The following PRDM16 variants were observed in gnomAD, a reference collection of about 807,000 sequenced individuals.
PRDM16 encodes histone-lysine N-methyltransferase PRDM16.
PRDM16 carries 23 observed loss-of-function variants against 110.6 expected under a neutral mutation model. The observed-to-expected ratio is 0.21, with a 90% CI of 0.15 to 0.29. The LOEUF is 0.29. Among genes scored for constraint, PRDM16 ranks in the 10% least tolerant of loss-of-function variants. PRDM16 has a pLI of 1.00. For missense variants in PRDM16, 1,615 were observed against 1,794.3 expected (o/e 0.90, Z 1.81); for synonymous variants, 799 against 781.8 (o/e 1.02, Z -0.37).
At chr1:3,263,818 G>A (rs1195637432) in intron 3 of PRDM16, among the ~76,000 whole-genome samples, 1 of 152,222 alleles carries the variant, frequency 6.6e-6, no homozygotes, top group Admixed American at 6.5e-5. Context: ...TTAGAAAAGC[G>A]ACCCCTGGGC....
At chr1:3,417,582 C>T (rs1159193996) in intron 10 of PRDM16, among the ~76,000 whole-genome samples, 2 of 152,202 alleles carry the variant, frequency 1.3e-5, no homozygotes, top group African/African-American at 2.4e-5. Context: ...TCAGTTTCAG[C>T]TCCTGCAGGA....
At chr1:3,333,804 A>T (rs967301036) in intron 3 of PRDM16, among the ~76,000 whole-genome samples, 2 of 152,074 alleles carry the variant, frequency 1.3e-5, no homozygotes, top group Non-Finnish European at 2.9e-5. Flanking sequence ...CGGTTAGCTC[A>T]TGCGAGATCT....
At chr1:3,276,534 C>T (rs1023706031) in intron 3 of PRDM16, among the ~76,000 whole-genome samples, 1 of 152,248 alleles carries the variant, frequency 6.6e-6, no homozygotes, top group Non-Finnish European at 1.5e-5. Flanking sequence ...CGCAGGAAGG[C>T]CCCACGGCCC....
At chr1:3,212,095 C>T (rs1036058371) in intron 2 of PRDM16, among the ~76,000 whole-genome samples, 2 of 152,218 alleles carry the variant, frequency 1.3e-5, no homozygotes, top group Non-Finnish European at 2.9e-5. Context: ...CTAATTTGCA[C>T]TCCATTCACC....
Position 3,358,571 on chromosome 1 carries a change from G to A in PRDM16, c.439-26581G>A, listed in dbSNP as rs914472104. ...GAGCCCCGAATTCTCCACTGGGGCC[G>A]GAAGAGGAGCTCTCGGACCCCTCCC... On this transcript the variant is annotated intron_variant, in intron 3 of 16. Coordinates refer to ENST00000270722, the MANE Select transcript of PRDM16 (RefSeq NM_022114.4). The surrounding 1 kb of genome is among the most constrained non-coding windows in gnomAD (Gnocchi z 4.0). Among the ~76,000 whole-genome samples the A allele has an allele frequency of 4.6e-5, 7 of 152,190 alleles. No homozygotes were observed. Among genetic ancestry groups the A allele is most frequent in the African/African-American group, 1.7e-4 (7 of 41,456 alleles).
chr1:3,386,053 T>C (rs924052317), intron 4 of PRDM16, among the ~76,000 whole-genome samples: 5 of 152,214 alleles, frequency 3.3e-5, no homozygotes, highest in African/African-American at 1.2e-4. Context: ...TATTTCAAGC[T>C]TGCGAGTGGC....
At position 3,375,753 on chromosome 1, in the gene PRDM16, G is replaced by A. The variant is rs141065015; in HGVS notation, c.439-9399G>A. On this transcript the variant is annotated intron_variant, in intron 3 of 16. Coordinates refer to ENST00000270722, the MANE Select transcript of PRDM16 (RefSeq NM_022114.4). ...GGACCTTGAGAAGCTTGGGCACTGC[G>A]CACGGTCAGATGGAAACTCCTCTTT... Among the ~76,000 whole-genome samples, 63 of 152,320 alleles carry A rather than the reference G, an allele frequency of 4.1e-4. No individual in the cohort carries two copies. In the South Asian group the frequency reaches 4.3e-3, roughly 11 times the overall value.
rs1203426385 is a variant in PRDM16 at position 3,143,946 on chromosome 1, A to G, written c.38-42179A>G. ...TGTTAGTCGTAGTGAAGGCTCCACA[A>G]GCACTTTTGAGGCCAGGGGGAAGAT... On this transcript the variant is annotated intron_variant, in intron 1 of 16. Coordinates refer to ENST00000270722, the MANE Select transcript of PRDM16 (RefSeq NM_022114.4). The surrounding 1 kb of genome is among the most constrained non-coding windows in gnomAD (Gnocchi z 4.5). Among the ~76,000 whole-genome samples, 1 of 152,178 alleles carries G rather than the reference A, an allele frequency of 6.6e-6. No homozygotes were observed. The highest frequency in any genetic ancestry group is 6.5e-5 in the Admixed American group (1 of 15,280).
At chr1:3,270,271 A>C (rs1480071067) in intron 3 of PRDM16, among the ~76,000 whole-genome samples, 1 of 148,992 alleles carries the variant, frequency 6.7e-6, no homozygotes, top group Non-Finnish European at 1.5e-5. Context: ...GGAGGAGCAC[A>C]GTCCCGGAGG....
chr1:3,421,272 A>AC (rs915510551), intron 12 of PRDM16, among the ~76,000 whole-genome samples: 12 of 151,050 alleles, frequency 7.9e-5, no homozygotes, highest in African/African-American at 2.0e-4. Flanking sequence ...GGCCCTGGCC[A>AC]CCCCCCCTGA....
intron 12 of PRDM16, among the ~76,000 whole-genome samples, chr1:3,419,381 G>C (rs1368007581): frequency 1.3e-5 from 2 of 152,206 alleles, no homozygotes; most frequent in African/African-American, 4.8e-5. Flanking sequence ...TCATCGGGAT[G>C]GGGGAGGCAT....
At chr1:3,112,213 A>T (rs1044914454) in intron 1 of PRDM16, among the ~76,000 whole-genome samples, 4 of 152,230 alleles carry the variant, frequency 2.6e-5, no homozygotes, top group African/African-American at 7.2e-5. Flanking sequence ...ACTTAAAAGG[A>T]TTAAACGGAC....
At chr1:3,389,738 T>A (rs541205356) in intron 4 of PRDM16, among the ~76,000 whole-genome samples, 1 of 152,344 alleles carries the variant, frequency 6.6e-6, no homozygotes, top group East Asian at 1.9e-4. Context: ...GCAGGCTCTC[T>A]GGGGAGCTGC....
intron 3 of PRDM16, among the ~76,000 whole-genome samples, chr1:3,344,689 G>C (rs768693709): frequency 1.4e-4 from 21 of 152,346 alleles, no homozygotes; most frequent in South Asian, 1.2e-3. Context: ...GTTCTAGAGA[G>C]AGTTTCAATC....
At chr1:3,191,036 C>T (rs530466015) in intron 2 of PRDM16, among the ~76,000 whole-genome samples, 1 of 152,232 alleles carries the variant, frequency 6.6e-6, no homozygotes, top group East Asian at 2.0e-4. Context: ...CTCACTGCAT[C>T]AGCCACTGTC....
At chr1:3,402,585 G>A (rs1040316084) in intron 5 of PRDM16, among the ~76,000 whole-genome samples, 3 of 152,194 alleles carry the variant, frequency 2.0e-5, no homozygotes, top group African/African-American at 4.8e-5. Context: ...CCTGCCCAGG[G>A]CTGGGCCCTG....
intron 3 of PRDM16, among the ~76,000 whole-genome samples, chr1:3,330,995 T>G (rs1475231696): frequency 6.6e-6 from 1 of 152,200 alleles, no homozygotes; most frequent in Non-Finnish European, 1.5e-5. Context: ...TGGGCCTGAA[T>G]GCGGAGAATA....
intron 2 of PRDM16, among the ~76,000 whole-genome samples, chr1:3,220,242 C>T (rs1490771384): frequency 1.3e-5 from 2 of 152,206 alleles, no homozygotes; most frequent in Non-Finnish European, 2.9e-5. Context: ...CACGCCCAGC[C>T]TCCCAGCCGA....
chr1:3,168,576 C>T (rs1210887196), intron 1 of PRDM16, among the ~76,000 whole-genome samples: 1 of 140,456 alleles, frequency 7.1e-6, no homozygotes, highest in Non-Finnish European at 1.6e-5. Context: ...GCTATTCCCG[C>T]CCCACCCCCG....
Sources: allele counts gnomAD v4.1 joint callset (sites outside exome capture counted in the v4.1 genomes callset), GRCh38; gene constraint gnomAD v4.1.1; non-coding constraint Gnocchi (gnomAD v3.1); transcripts MANE v1.5; gene names NCBI Gene and HGNC (gene_info 2026-07-23, HGNC 2026-07-21).